MALRD1: variants seen among roughly 807,000 people sequenced by gnomAD.
MALRD1 encodes MAM and LDL-receptor class A domain-containing protein 1.
In MALRD1, 247 loss-of-function variants were observed where a neutral mutation model predicts 242.1. That is an observed-to-expected ratio of 1.02 (90% confidence interval 0.92 to 1.13). The LOEUF is 1.13. Ranked by LOEUF, MALRD1 falls within the 50% of genes most tolerant of loss-of-function variation. MALRD1 has a pLI of 0.00. For synonymous variants in MALRD1, 995 were observed against 866.6 expected (o/e 1.15, Z -2.60); for missense variants, 2,989 against 2,533.1 (o/e 1.18, Z -3.86).
intron 18 of MALRD1, 47 bp from the exon 19 acceptor site, chr10:19,257,637 C>G: frequency 7.6e-7 from 1 of 1,320,392 alleles, no homozygotes; most frequent in Non-Finnish European, 1.0e-6. Context: ...ATTTCCTTTA[C>G]CACATAAACA....
intron 38 of MALRD1, among the ~76,000 whole-genome samples, chr10:19,697,539 A>G (rs1198966935): frequency 6.6e-5 from 10 of 152,154 alleles, no homozygotes; most frequent in African/African-American, 2.4e-4. Context: ...AGTTAACACA[A>G]AAAGTTTACT....
intron 36 of MALRD1, among the ~76,000 whole-genome samples, chr10:19,678,545 C>T (rs1589390199): frequency 6.6e-6 from 1 of 152,262 alleles, no homozygotes; most frequent in East Asian, 1.9e-4. Flanking sequence ...GCTAAAGTTG[C>T]ATTTCAGCTT....
Position 19,074,036 on chromosome 10 carries a change from G to A in MALRD1, c.340+7177G>A, listed in dbSNP as rs576076893. On this transcript the variant is annotated intron_variant, in intron 2 of 39. Transcript: ENST00000454679. ...AGGTGGAGATAGTTGCTGTGCTCAG[G>A]CGATGACACAGAAGTCTACTATGAC... Among the ~76,000 whole-genome samples, 16 of 152,180 alleles carry A rather than the reference G, an allele frequency of 1.1e-4. No individual in the cohort carries two copies. The East Asian group carries it at 3.1e-3, about 30-fold the overall frequency.
At chr10:19,152,669 C>G (rs182335418) in intron 11 of MALRD1, among the ~76,000 whole-genome samples, 1 of 152,152 alleles carries the variant, frequency 6.6e-6, no homozygotes, top group East Asian at 1.9e-4. Flanking sequence ...TGTAATATAT[C>G]TGTTTCCATT....
At chr10:19,326,909 G>C (rs978422601) in intron 22 of MALRD1, among the ~76,000 whole-genome samples, 2 of 152,020 alleles carry the variant, frequency 1.3e-5, no homozygotes, top group African/African-American at 4.8e-5. Flanking sequence ...TCTCCTTTGA[G>C]CCTTAGTTAC....
chr10:19,391,747 C>G (rs528534219), intron 28 of MALRD1, among the ~76,000 whole-genome samples: 1 of 152,326 alleles, frequency 6.6e-6, no homozygotes, highest in South Asian at 2.1e-4. Flanking sequence ...CAGAAAGATT[C>G]CTGCTAACTG....
chr10:19,429,061 T>C (rs920784413), intron 28 of MALRD1, among the ~76,000 whole-genome samples: 1 of 152,240 alleles, frequency 6.6e-6, no homozygotes, highest in Non-Finnish European at 1.5e-5. Flanking sequence ...ACACCTAGTA[T>C]ATGGTATGTG....
chr10:19,502,061 G>A (rs1028492951), intron 31 of MALRD1, among the ~76,000 whole-genome samples: 4 of 149,030 alleles, frequency 2.7e-5, no homozygotes, highest in Non-Finnish European at 4.5e-5. Flanking sequence ...GAAGAAGCAA[G>A]TAACAGGAAC....
At chr10:19,607,449 T>G (rs1838691814) in intron 34 of MALRD1, among the ~76,000 whole-genome samples, 1 of 152,114 alleles carries the variant, frequency 6.6e-6, no homozygotes, top group Admixed American at 6.6e-5. Flanking sequence ...TTATAACCTT[T>G]GTTACCTTCT....
chr10:19,473,362 G>A (rs532791445), intron 29 of MALRD1, among the ~76,000 whole-genome samples: 53 of 151,852 alleles, frequency 3.5e-4, no homozygotes, highest in Non-Finnish European at 6.5e-4. Context: ...TCATTGTTAG[G>A]CCTACAGTTC....
intron 36 of MALRD1, among the ~76,000 whole-genome samples, chr10:19,620,168 A>AT (rs888884737): frequency 6.6e-6 from 1 of 151,864 alleles, no homozygotes; most frequent in African/African-American, 2.4e-5. Flanking sequence ...TACATTTAAA[A>AT]TTTTTTTTAC....
At chr10:19,403,784 G>A (rs1321620340) in intron 28 of MALRD1, among the ~76,000 whole-genome samples, 1 of 152,062 alleles carries the variant, frequency 6.6e-6, no homozygotes, top group African/African-American at 2.4e-5. Context: ...AATGATGAAA[G>A]AATGGTGAGA....
intron 8 of MALRD1, among the ~76,000 whole-genome samples, chr10:19,129,170 G>A (rs996796303): frequency 2.6e-5 from 4 of 151,846 alleles, no homozygotes; most frequent in Non-Finnish European, 4.4e-5. Context: ...TCTCAGGCCC[G>A]CAAGACTACC....
At chr10:19,165,884 A>AACACT in intron 13 of MALRD1, 74 bp downstream of exon 13, 1 of 1,098,082 alleles carries the variant, frequency 9.1e-7, no homozygotes, top group Non-Finnish European at 1.2e-6. Context: ...ATAACAATAT[A>AACACT]ACACACATAG....
chr10:19,703,739 A>C lies in MALRD1; in HGVS notation c.6314+11185A>C, dbSNP rs576531656. Among the ~76,000 whole-genome samples the C allele has an allele frequency of 2.4e-4, 36 of 152,236 alleles. 1 individual carries two copies. Among genetic ancestry groups the C allele is most frequent in the South Asian group, 1.2e-3 (6 of 4,832 alleles). On this transcript the variant is annotated intron_variant, in intron 38 of 39. Coordinates refer to ENST00000454679, the MANE Select transcript of MALRD1 (RefSeq NM_001142308.3). Reference sequence around the variant, plus strand: ...GCAAAACCCTATCTCTACTAAAAATACAAAAATTAGCCAGGGGTGGTGGCA... The same window carrying C: ...GCAAAACCCTATCTCTACTAAAAATCCAAAAATTAGCCAGGGGTGGTGGCA...
intron 29 of MALRD1, among the ~76,000 whole-genome samples, chr10:19,468,676 G>A (rs1292594119): frequency 1.3e-5 from 2 of 151,930 alleles, no homozygotes; most frequent in Middle Eastern, 3.4e-3. Flanking sequence ...CACAGCCTCT[G>A]TGAGGTTAGC....
intron 18 of MALRD1, among the ~76,000 whole-genome samples, chr10:19,214,378 A>AT (rs927783945): frequency 3.9e-5 from 6 of 152,094 alleles, no homozygotes; most frequent in African/African-American, 1.2e-4. Context: ...CATTTTGGCC[A>AT]TTTTTTTGGT....
chr10:19,680,454 T>C (rs1842319750), intron 36 of MALRD1, among the ~76,000 whole-genome samples: 1 of 152,152 alleles, frequency 6.6e-6, no homozygotes, highest in Admixed American at 6.6e-5. Context: ...AAACTAGGAT[T>C]GCAACCCCTG....
chr10:19,399,135 G>A (rs1846716223), intron 28 of MALRD1, among the ~76,000 whole-genome samples: 1 of 151,962 alleles, frequency 6.6e-6, no homozygotes, highest in African/African-American at 2.4e-5. Flanking sequence ...TTTAAAGTGT[G>A]GCTTCACATG....
Sources: allele counts gnomAD v4.1 joint callset (sites outside exome capture counted in the v4.1 genomes callset), GRCh38; gene constraint gnomAD v4.1.1; transcripts MANE v1.5; gene names NCBI Gene and HGNC (gene_info 2026-07-23, HGNC 2026-07-21).